Variants in NELL1 observed in about 807,000 individuals in gnomAD.
NELL1 encodes neural EGFL like 1.
In NELL1, 76 loss-of-function variants were observed where a neutral mutation model predicts 107.4. The observed-to-expected ratio is 0.71, with a 90% CI of 0.59 to 0.86. NELL1 has a LOEUF of 0.86. Ranked by LOEUF, NELL1 falls within the 40% of genes least tolerant of loss-of-function variation. NELL1 has a pLI of 0.00. For missense variants in NELL1, 1,024 were observed against 1,005.5 expected, an observed-to-expected ratio of 1.02 and a Z score of -0.25; for synonymous variants, 353 against 341.2, an observed-to-expected ratio of 1.03 and a Z score of -0.38.
chr11:21,181,420 A>G (rs1856824206), intron 13 of NELL1, among the ~76,000 whole-genome samples: 1 of 151,900 alleles, frequency 6.6e-6, no homozygotes, highest in South Asian at 2.1e-4. Flanking sequence ...CTGTTTATTG[A>G]ATGCCTACTT....
intron 12 of NELL1, among the ~76,000 whole-genome samples, chr11:21,097,246 A>G (rs936707541): frequency 6.6e-6 from 1 of 152,140 alleles, no homozygotes; most frequent in Non-Finnish European, 1.5e-5. Context: ...TTTCAAAATG[A>G]CATTGTTGGA....
intron 15 of NELL1, among the ~76,000 whole-genome samples, chr11:21,447,154 A>G (rs986322819): frequency 2.0e-4 from 30 of 151,946 alleles, no homozygotes; most frequent in Admixed American, 1.5e-3. Context: ...TATGCCTGGG[A>G]TTCACCCTTC....
At chr11:20,749,636 G>A (rs1309201182) in intron 2 of NELL1, among the ~76,000 whole-genome samples, 1 of 151,950 alleles carries the variant, frequency 6.6e-6, no homozygotes, top group Admixed American at 6.6e-5. Context: ...AAATTAAGGT[G>A]TAATTAGCAT....
chr11:20,847,736 C>T lies in NELL1; in HGVS notation c.489C>T (p.Leu163=), dbSNP rs532927509. The T allele has an allele frequency of 1.2e-6, 2 of 1,612,012 alleles. No individual in the cohort carries two copies. Among genetic ancestry groups the T allele is most frequent in the African/African-American group, 2.7e-5 (2 of 74,950 alleles). ...CAGTTAGCGCCTCTCATCTCCTGCT[C>T]CATGTCGACTGTAACAGGTATTTCT... The part of the protein sequence containing the change: ...ALSVSASHLL[L]HVDCNRIYER... Residue 163 remains leucine (L), a synonymous_variant, in exon 4 of 20, where the codon CTC becomes CTT. Coordinates refer to ENST00000357134, the MANE Select transcript of NELL1 (RefSeq NM_006157.5).
chr11:21,343,103 T>C (rs1200132118), intron 14 of NELL1, among the ~76,000 whole-genome samples: 1 of 152,150 alleles, frequency 6.6e-6, no homozygotes, highest in Admixed American at 6.6e-5. Flanking sequence ...TACTGCTCTT[T>C]GCACCAAGAA....
chr11:20,867,193 A>G (rs570361909), intron 4 of NELL1, among the ~76,000 whole-genome samples: 37 of 152,340 alleles, frequency 2.4e-4, no homozygotes, highest in African/African-American at 8.9e-4. Flanking sequence ...AGGGGAAAGT[A>G]GAATGAACAG....
At chr11:21,378,177 C>G (rs1245895944) in intron 15 of NELL1, among the ~76,000 whole-genome samples, 1 of 151,178 alleles carries the variant, frequency 6.6e-6, no homozygotes, top group African/African-American at 2.4e-5. Context: ...GCCAAATATC[C>G]CCTGGGAGAC....
At chr11:21,368,872 C>T (rs561066612) in intron 14 of NELL1, among the ~76,000 whole-genome samples, 2 of 152,064 alleles carry the variant, frequency 1.3e-5, no homozygotes, top group East Asian at 1.9e-4. Context: ...CACTATGTGC[C>T]GAACACCATT....
At chr11:21,024,077 TAAC>T (rs1271011275) in intron 12 of NELL1, among the ~76,000 whole-genome samples, 1 of 152,002 alleles carries the variant, frequency 6.6e-6, no homozygotes, top group East Asian at 1.9e-4. Context: ...TCAAAAGTAA[TAAC>T]AATTCCTATT....
intron 12 of NELL1, among the ~76,000 whole-genome samples, chr11:21,054,852 A>C (rs973280856): frequency 5.3e-5 from 8 of 151,970 alleles, no homozygotes; most frequent in African/African-American, 1.9e-4. Flanking sequence ...TTTGCCTCTT[A>C]ATTTTCTTTA....
chr11:21,562,764 G>A (rs550769888), intron 17 of NELL1, among the ~76,000 whole-genome samples: 52 of 151,644 alleles, frequency 3.4e-4, no homozygotes, highest in Admixed American at 1.3e-3. Flanking sequence ...TTTAAATGCC[G>A]TCAAATTATG....
intron 2 of NELL1, among the ~76,000 whole-genome samples, chr11:20,755,546 T>A (rs1235046373): frequency 0.018 from 816 of 45,550 alleles, 19 homozygotes; most frequent in Admixed American, 0.096. Flanking sequence ...TTTTGTTTTT[T>A]TTTGTTTTTG....
intron 13 of NELL1, among the ~76,000 whole-genome samples, chr11:21,156,402 C>T (rs1356173644): frequency 6.6e-6 from 1 of 151,918 alleles, no homozygotes; most frequent in Non-Finnish European, 1.5e-5. Flanking sequence ...GGAGGTGTGT[C>T]GGTTAGGGAG....
At chr11:21,250,424 C>G (rs182702400) in intron 14 of NELL1, among the ~76,000 whole-genome samples, 80 of 152,252 alleles carry the variant, frequency 5.3e-4, no homozygotes, top group Non-Finnish European at 9.0e-4. Flanking sequence ...ATCCTGAAAA[C>G]CTGCAGGGCT....
At chr11:20,821,272 C>T (rs1857745955) in intron 3 of NELL1, among the ~76,000 whole-genome samples, 1 of 152,176 alleles carries the variant, frequency 6.6e-6, no homozygotes, top group African/African-American at 2.4e-5. Flanking sequence ...CTTCTCCTTC[C>T]TCTACCTGTC....
chr11:21,337,837 T>TTTTCTTTCTTTCTTTTCTTTCTTTC (rs1565175603), intron 14 of NELL1, among the ~76,000 whole-genome samples: 54 of 86,652 alleles, frequency 6.2e-4, no homozygotes, highest in Middle Eastern at 5.9e-3. Flanking sequence ...TCTTTCTTTC[T>TTTTCTTTCTTTCTTTTCTTTCTTTC]TTTCTTTCTT....
chr11:21,385,621 T>G (rs1336724229), intron 15 of NELL1, among the ~76,000 whole-genome samples: 1 of 151,852 alleles, frequency 6.6e-6, no homozygotes, highest in East Asian at 1.9e-4. Flanking sequence ...CCAGTCTTAC[T>G]CCTCCCTCAC....
intron 13 of NELL1, among the ~76,000 whole-genome samples, chr11:21,164,237 A>G (rs921090431): frequency 2.6e-5 from 4 of 152,212 alleles, no homozygotes; most frequent in Admixed American, 6.5e-5. Flanking sequence ...TTGTTTTTAT[A>G]TATGGGTTTT....
intron 12 of NELL1, among the ~76,000 whole-genome samples, chr11:21,112,649 AT>A (rs1565066150): frequency 6.6e-6 from 1 of 152,056 alleles, no homozygotes; most frequent in Non-Finnish European, 1.5e-5. Context: ...GAATTAGATA[AT>A]ATCTTTACAG....
Sources: gnomAD v4.1 joint callset for allele counts (sites outside exome capture counted in the v4.1 genomes callset) on GRCh38, gnomAD v4.1.1 for gene constraint, MANE v1.5 for transcripts, NCBI Gene and HGNC (gene_info 2026-07-23, HGNC 2026-07-21) for gene names.